Variants in MAGI2 observed in about 807,000 individuals in gnomAD.
MAGI2 encodes the protein membrane-associated guanylate kinase, WW and PDZ domain-containing protein 2.
A neutral mutation model predicts 133.3 loss-of-function variants in MAGI2; 35 were observed. That is an observed-to-expected ratio of 0.26 (90% CI 0.20 to 0.35). The LOEUF (loss-of-function observed/expected upper bound fraction) is 0.35. MAGI2 is among the 10% of genes least tolerant of loss of function. The pLI is 1.00. For missense variants in MAGI2, 1,636 were observed against 1,863.4 expected (o/e 0.88, Z 2.25); for synonymous variants, 729 against 710.6 (o/e 1.03, Z -0.41).
intron 1 of MAGI2, among the ~76,000 whole-genome samples, chr7:79,345,855 T>A (rs1011058597): frequency 1.3e-5 from 2 of 152,076 alleles, no homozygotes; most frequent in African/African-American, 4.8e-5. Flanking sequence ...ATTCACTATT[T>A]CCTAGCCAAG....
Position 78,019,989 on chromosome 7 carries a change from A to AGCACAGGCGTTAGCAGTG in MAGI2, c.3707-31_3707-14dup. On this transcript the variant is annotated splice_polypyrimidine_tract_variant and intron_variant, in intron 21 of 21. Transcript: ENST00000354212. ...GGGGCGGGTTCGTCTGTGGACGGGA[A>AGCACAGGCGTTAGCAGTG]GCACAGGCGTTAGCAGTGGCGCACG... 6.3e-7 allele frequency: 1 copy of AGCACAGGCGTTAGCAGTG among 1,594,532 alleles called. No individual in the cohort carries two copies.
chr7:78,742,389 T>C (rs2151257074), intron 2 of MAGI2, among the ~76,000 whole-genome samples: 1 of 152,260 alleles, frequency 6.6e-6, no homozygotes, highest in Non-Finnish European at 1.5e-5. Context: ...CTTCTAAGGG[T>C]CAATGGCTAA....
chr7:79,403,664 T>C (rs945805956), intron 1 of MAGI2, among the ~76,000 whole-genome samples: 8 of 152,130 alleles, frequency 5.3e-5, no homozygotes, highest in African/African-American at 1.9e-4. Flanking sequence ...AATGAAAATT[T>C]CAAAATCTAA....
intron 1 of MAGI2, among the ~76,000 whole-genome samples, chr7:79,233,005 G>A (rs1381660011): frequency 3.7e-3 from 272 of 73,002 alleles, no homozygotes; most frequent in African/African-American, 6.6e-3. Context: ...CTTTGTTCTC[G>A]TTGGTTTCAA....
At chr7:79,013,934 C>G (rs1296237269) in intron 1 of MAGI2, among the ~76,000 whole-genome samples, 1 of 152,138 alleles carries the variant, frequency 6.6e-6, no homozygotes, top group South Asian at 2.1e-4. Flanking sequence ...CAATTTCTAT[C>G]CCTTCAATAT....
intron 2 of MAGI2, among the ~76,000 whole-genome samples, chr7:78,650,316 T>C (rs1157807785): frequency 6.6e-6 from 1 of 152,194 alleles, no homozygotes; most frequent in Non-Finnish European, 1.5e-5. Context: ...TGGTTCCAAT[T>C]GCCTGAACTT....
At chr7:78,201,791 A>G (rs144942684) in intron 10 of MAGI2, among the ~76,000 whole-genome samples, 1 of 152,320 alleles carries the variant, frequency 6.6e-6, no homozygotes, top group African/African-American at 2.4e-5. Context: ...GAAGAGCTCA[A>G]AATGTTTGTT....
chr7:79,247,346 G>A (rs1832897999), intron 1 of MAGI2, among the ~76,000 whole-genome samples: 1 of 152,126 alleles, frequency 6.6e-6, no homozygotes, highest in Admixed American at 6.5e-5. Context: ...TGGATGTGAT[G>A]GCTCACCCCT....
At chr7:78,107,246 GGT>G (rs1818784529) in intron 20 of MAGI2, among the ~76,000 whole-genome samples, 1 of 152,010 alleles carries the variant, frequency 6.6e-6, no homozygotes, top group Admixed American at 6.6e-5. Flanking sequence ...ATGCTGTTTT[GGT>G]TACTATAGCT....
At chr7:79,048,735 A>T (rs999199162) in intron 1 of MAGI2, among the ~76,000 whole-genome samples, 3 of 152,044 alleles carry the variant, frequency 2.0e-5, no homozygotes, top group Non-Finnish European at 2.9e-5. Context: ...GCACTTTGGG[A>T]AGCCAAGGTG....
intron 2 of MAGI2, among the ~76,000 whole-genome samples, chr7:78,693,496 G>A (rs144600710): frequency 2.0e-5 from 3 of 152,094 alleles, no homozygotes; most frequent in Non-Finnish European, 4.4e-5. Flanking sequence ...TAAAACATTT[G>A]TATTTACTAC....
intron 3 of MAGI2, among the ~76,000 whole-genome samples, chr7:78,584,559 A>G (rs1251294783): frequency 1.1e-4 from 16 of 152,176 alleles, no homozygotes; most frequent in Non-Finnish European, 2.2e-4. Context: ...GCATGGCATC[A>G]GCACAGTGCA....
chr7:79,274,511 C>T (rs930083825), intron 1 of MAGI2, among the ~76,000 whole-genome samples: 1 of 151,676 alleles, frequency 6.6e-6, no homozygotes, highest in Non-Finnish European at 1.5e-5. Context: ...GAAATGTGGC[C>T]GTGGTTCACA....
At chr7:78,948,975 T>C (rs986346413) in intron 2 of MAGI2, among the ~76,000 whole-genome samples, 5 of 152,226 alleles carry the variant, frequency 3.3e-5, no homozygotes, top group African/African-American at 1.2e-4. Flanking sequence ...TCAAAAGTTT[T>C]AATTATAGCA....
intron 6 of MAGI2, among the ~76,000 whole-genome samples, chr7:78,471,843 T>C (rs1791233956): frequency 6.6e-6 from 1 of 151,822 alleles, no homozygotes; most frequent in South Asian, 2.1e-4. Context: ...GAGAATCACT[T>C]GAACTCAGGA....
intron 9 of MAGI2, among the ~76,000 whole-genome samples, chr7:78,262,288 T>A (rs1375924680): frequency 6.6e-6 from 1 of 152,194 alleles, no homozygotes; most frequent in Non-Finnish European, 1.5e-5. Context: ...TAGAAGAATC[T>A]TTTTGTTTAT....
chr7:78,862,321 T>C (rs1712836121), intron 2 of MAGI2, among the ~76,000 whole-genome samples: 1 of 152,220 alleles, frequency 6.6e-6, no homozygotes, highest in South Asian at 2.1e-4. Context: ...TTAGGTCTCC[T>C]GGTCCTGACT....
intron 3 of MAGI2, among the ~76,000 whole-genome samples, chr7:78,521,992 T>A (rs1254146628): frequency 2.0e-5 from 3 of 152,206 alleles, no homozygotes; most frequent in Admixed American, 1.3e-4. Context: ...TATAACCTTT[T>A]AAAAAATAAT....
chr7:78,539,760 C>T (rs1464633013), intron 3 of MAGI2, among the ~76,000 whole-genome samples: 2 of 152,128 alleles, frequency 1.3e-5, no homozygotes, highest in Non-Finnish European at 2.9e-5. Context: ...TCAGGTCTCT[C>T]GGCCATGGAT....
Sources: allele counts gnomAD v4.1 joint callset (sites outside exome capture counted in the v4.1 genomes callset), GRCh38; gene constraint gnomAD v4.1.1; transcripts MANE v1.5; gene names NCBI Gene and HGNC (gene_info 2026-07-23, HGNC 2026-07-21).